The following CAMSAP1 variants were observed in gnomAD, a reference collection of about 807,000 sequenced individuals.
CAMSAP1 encodes calmodulin-regulated spectrin-associated protein 1.
Under a neutral mutation model 143.5 loss-of-function variants are expected in CAMSAP1, and 58 were observed. The ratio of observed to expected loss-of-function variants is 0.40; its 90% CI spans 0.33 to 0.50. CAMSAP1 has a LOEUF of 0.50. Ranked by LOEUF, CAMSAP1 falls within the 20% of genes least tolerant of loss-of-function variation. The pLI, the probability that CAMSAP1 is intolerant of heterozygous loss-of-function variation, is 0.45. For synonymous variants in CAMSAP1, 945 were observed against 859.3 expected (o/e 1.10, Z -1.74); for missense variants, 1,969 against 2,115.7 (o/e 0.93, Z 1.36).
chr9:135,851,377 C>A (rs1836779094), intron 5 of CAMSAP1, among the ~76,000 whole-genome samples: 2 of 152,208 alleles, frequency 1.3e-5, no homozygotes, highest in Admixed American at 6.5e-5. Context: ...TCCACAGTCA[C>A]CTAAGCAGCA....
chr9:135,821,500 G>A lies in CAMSAP1; in HGVS notation c.3161C>T (p.Thr1054Ile). 1 of 1,614,048 alleles carries A rather than the reference G, an allele frequency of 6.2e-7. No homozygotes were observed. The part of the protein sequence containing the change: ...QQEQLLMKSP[T>I]VPVPGSKNNS... ...ATTCTTAGAGCCTGGCACTGGGACT[G>A]TGGGGGACTTCATCAGAAGCTGCTC... Residue 1054 changes from threonine to isoleucine, a missense_variant, in exon 11 of 17, where the codon ACA (threonine) becomes ATA (isoleucine). Around this residue, in one of 4 missense-constraint regions of CAMSAP1, gnomAD observed 1,390 missense variants for 1,420.8 expected, o/e 0.98. Coordinates refer to ENST00000389532, the MANE Select transcript of CAMSAP1 (RefSeq NM_015447.4). The surrounding 1 kb of genome is among the most constrained non-coding windows in gnomAD (Gnocchi z 4.6).
Position 135,821,139 on chromosome 9 carries a change from T to G in CAMSAP1, c.3522A>C (p.Glu1174Asp), listed in dbSNP as rs146854444. Reference sequence around the variant, plus strand: ...ACAGAGTAAGTGTCCGCTGATTGCTTTCATCATGGAGCCTGTAACTGTCGA... The same window carrying G: ...ACAGAGTAAGTGTCCGCTGATTGCTGTCATCATGGAGCCTGTAACTGTCGA... ...CLFDSYRLHD[E>D]SNQRTLTLSS... The change falls in exon 11 of 17, where the codon GAA becomes GAC. Residue 1174 changes from glutamate to aspartate, a missense_variant. This residue lies in a region of CAMSAP1 where 1,390 missense variants were observed against 1,420.8 expected (regional missense o/e 0.98). Coordinates refer to ENST00000389532, the MANE Select transcript of CAMSAP1 (RefSeq NM_015447.4). The surrounding 1 kb of genome is among the most constrained non-coding windows in gnomAD (Gnocchi z 4.6). The G allele has an allele frequency of 3.9e-5, 63 of 1,612,904 alleles. No homozygotes were observed. The highest frequency in any genetic ancestry group is 4.7e-5 in the Non-Finnish European group (56 of 1,179,890).
intron 11 of CAMSAP1, 98 bp from the exon 12 acceptor site, chr9:135,819,244 A>C (rs943596144): frequency 1.4e-6 from 2 of 1,418,426 alleles, no homozygotes; most frequent in African/African-American, 1.4e-5. Context: ...ACGCTTTTAA[A>C]AGTTTAACGC....
rs1330964227 is a variant in CAMSAP1 at position 135,808,972 on chromosome 9, A to T, written c.*2337T>A. On this transcript the variant is annotated 3_prime_UTR_variant, in exon 17 of 17. Transcript: ENST00000389532. ...AAGGTTAGAATTCTGAGACACAACG[A>T]AAGTTGTGCAAGCTTTCCGCTGAAA... 1 of 152,224 alleles carries T rather than the reference A, an allele frequency of 6.6e-6. No homozygotes were observed. Among genetic ancestry groups the T allele is most frequent in the Non-Finnish European group, 1.5e-5 (1 of 68,036 alleles). The allele number at this position is 152,224 out of a possible 1,614,324, so 9.4% of individuals were successfully genotyped here.
chr9:135,865,603 G>A (rs1837347415), intron 4 of CAMSAP1, among the ~76,000 whole-genome samples: 1 of 152,174 alleles, frequency 6.6e-6, no homozygotes. Context: ...AGAAAACTTC[G>A]GAAACTTGGT....
At chr9:135,835,116 C>A (rs1424911318) in intron 7 of CAMSAP1, among the ~76,000 whole-genome samples, 2 of 152,076 alleles carry the variant, frequency 1.3e-5, no homozygotes, top group Non-Finnish European at 2.9e-5. Flanking sequence ...GGAGGACCCC[C>A]AAGCACAGGA....
chr9:135,884,114 C>T (rs1564457615), intron 1 of CAMSAP1, among the ~76,000 whole-genome samples: 1 of 152,162 alleles, frequency 6.6e-6, no homozygotes, highest in Admixed American at 6.5e-5. Context: ...CTTTAATGTG[C>T]CCCGCGCCCA....
At chr9:135,815,742 G>A in intron 15 of CAMSAP1, 148 bp downstream of exon 15, 1 of 691,522 alleles carries the variant, frequency 1.4e-6, no homozygotes, top group Non-Finnish European at 2.4e-6. Context: ...CAGCACCAAA[G>A]AGCTCAAATT....
At chr9:135,868,818 G>A (rs771392681) in intron 3 of CAMSAP1, among the ~76,000 whole-genome samples, 9 of 151,764 alleles carry the variant, frequency 5.9e-5, no homozygotes, top group Admixed American at 1.3e-4. Flanking sequence ...GGATTTCACC[G>A]TGTTAGCCAG....
At chr9:135,893,205 G>A (rs576624262) in intron 1 of CAMSAP1, among the ~76,000 whole-genome samples, 2 of 151,018 alleles carry the variant, frequency 1.3e-5, no homozygotes, top group African/African-American at 4.9e-5. Flanking sequence ...GAGAAGGAGA[G>A]AGGAGGACAG....
chr9:135,823,886 T>G (rs1835577934), intron 10 of CAMSAP1, 64 bp downstream of exon 10: 1 of 1,331,726 alleles, frequency 7.5e-7, no homozygotes, highest in South Asian at 1.3e-5. Flanking sequence ...GGGTGACATC[T>G]TAAGAACTGC....
At chr9:135,813,786 C>T (rs1835134542) in intron 16 of CAMSAP1, among the ~76,000 whole-genome samples, 1 of 152,248 alleles carries the variant, frequency 6.6e-6, no homozygotes, top group African/African-American at 2.4e-5. Context: ...TCCCAGGCGT[C>T]AGGCACACTG....
At chr9:135,815,480 C>G (rs1268936883) in intron 15 of CAMSAP1, among the ~76,000 whole-genome samples, 2 of 152,068 alleles carry the variant, frequency 1.3e-5, no homozygotes, top group African/African-American at 4.8e-5. Context: ...AAGACAAAAC[C>G]AGGTAAATAA....
chr9:135,896,926 C>T (rs1268316840), intron 1 of CAMSAP1, among the ~76,000 whole-genome samples: 1 of 152,168 alleles, frequency 6.6e-6, no homozygotes, highest in Non-Finnish European at 1.5e-5. Flanking sequence ...TATAAGGACA[C>T]TCAGAAGGTG....
chr9:135,874,934 T>A (rs1445030157), intron 3 of CAMSAP1, among the ~76,000 whole-genome samples: 5 of 152,060 alleles, frequency 3.3e-5, no homozygotes, highest in Non-Finnish European at 7.4e-5. Flanking sequence ...ACACAAAAGA[T>A]ACAGAATAAA....
At chr9:135,843,257 G>A (rs377285195) in intron 7 of CAMSAP1, among the ~76,000 whole-genome samples, 84 of 152,224 alleles carry the variant, frequency 5.5e-4, no homozygotes, top group Middle Eastern at 3.4e-3. Flanking sequence ...AACCCGGGAG[G>A]CAGAGGCTGC....
At chr9:135,873,534 G>A (rs564613129) in intron 3 of CAMSAP1, among the ~76,000 whole-genome samples, 1 of 151,744 alleles carries the variant, frequency 6.6e-6, no homozygotes, top group South Asian at 2.1e-4. Flanking sequence ...TTGATAAATC[G>A]GACTAATCAA....
chr9:135,866,614 C>T, intron 3 of CAMSAP1, 78 bp from the exon 4 acceptor site: 1 of 731,494 alleles, frequency 1.4e-6, no homozygotes, highest in Non-Finnish European at 2.4e-6. Context: ...CCCCCAGAGA[C>T]CCCCACTTCA....
At chr9:135,842,283 GA>G (rs1355893803) in intron 7 of CAMSAP1, among the ~76,000 whole-genome samples, 5 of 152,134 alleles carry the variant, frequency 3.3e-5, no homozygotes, top group African/African-American at 1.2e-4. Flanking sequence ...AATAAAGCAT[GA>G]AGACAAGATT....
Sources: allele counts gnomAD v4.1 joint callset (sites outside exome capture counted in the v4.1 genomes callset), GRCh38; gene constraint gnomAD v4.1.1; regional missense constraint gnomAD v4.1.1; non-coding constraint Gnocchi (gnomAD v3.1); transcripts MANE v1.5; gene names NCBI Gene and HGNC (gene_info 2026-07-23, HGNC 2026-07-21).